The following REEP3 variants were observed in gnomAD, a reference collection of about 807,000 sequenced individuals.
REEP3 encodes receptor expression-enhancing protein 3.
REEP3 carries 20 observed loss-of-function variants against 41.3 expected under a neutral mutation model. The observed-to-expected ratio is 0.48, with a 90% CI of 0.34 to 0.70. REEP3 has a LOEUF of 0.70. Ranked by LOEUF, REEP3 falls within the 30% of genes least tolerant of loss-of-function variation. The pLI is 0.01. For synonymous variants in REEP3, 104 were observed against 101.8 expected (o/e 1.02, Z -0.13); for missense variants, 271 against 308.8 (o/e 0.88, Z 0.92).
intron 6 of REEP3, among the ~76,000 whole-genome samples, chr10:63,610,542 G>A (rs544985772): frequency 1.6e-4 from 24 of 151,916 alleles, no homozygotes; most frequent in African/African-American, 4.6e-4. Flanking sequence ...ACAAACCTGC[G>A]CATTCTGCAC....
At chr10:63,609,855 G>T (rs1332437051) in intron 5 of REEP3, among the ~76,000 whole-genome samples, 3 of 152,154 alleles carry the variant, frequency 2.0e-5, no homozygotes, top group Non-Finnish European at 4.4e-5. Flanking sequence ...AGTTTTAGGA[G>T]ACATCAACAT....
chr10:63,612,035 A>G (rs1314420670), intron 6 of REEP3, among the ~76,000 whole-genome samples: 1 of 152,214 alleles, frequency 6.6e-6, no homozygotes, highest in African/African-American at 2.4e-5. Context: ...AGAGGTAATG[A>G]TCAAGCATTG....
chr10:63,587,877 G>A (rs1163285842), intron 2 of REEP3, among the ~76,000 whole-genome samples: 1 of 152,154 alleles, frequency 6.6e-6, no homozygotes, highest in Non-Finnish European at 1.5e-5. Context: ...ACCTTTTATG[G>A]ACAGCAGTAC....
At chr10:63,521,704 G>C in intron 1 of REEP3, 127 bp downstream of exon 1, 1 of 567,262 alleles carries the variant, frequency 1.8e-6, no homozygotes, top group Non-Finnish European at 2.7e-6. Flanking sequence ...CCTCGGGCCT[G>C]CCGAGGGTCT....
At chr10:63,577,385 T>C (rs192244687) in intron 2 of REEP3, among the ~76,000 whole-genome samples, 81 of 152,236 alleles carry the variant, frequency 5.3e-4, no homozygotes, top group African/African-American at 1.9e-3. Flanking sequence ...CTCTCCTCCT[T>C]AAGCAGATGT....
At chr10:63,522,175 C>T (rs1368582945) in intron 1 of REEP3, among the ~76,000 whole-genome samples, 2 of 152,050 alleles carry the variant, frequency 1.3e-5, no homozygotes, top group East Asian at 1.9e-4. Context: ...CCCAGGATCC[C>T]TGGGAAGGGT....
intron 4 of REEP3, among the ~76,000 whole-genome samples, chr10:63,598,756 C>G (rs1589883234): frequency 6.7e-6 from 1 of 149,312 alleles, no homozygotes; most frequent in East Asian, 2.0e-4. Flanking sequence ...TGCACTCCAG[C>G]CTGGACAAGA....
chr10:63,553,507 G>A (rs1182366739), intron 1 of REEP3, among the ~76,000 whole-genome samples: 2 of 152,038 alleles, frequency 1.3e-5, no homozygotes, highest in Admixed American at 6.6e-5. Flanking sequence ...CTGGTGAAGC[G>A]TTTTCATGCT....
At chr10:63,570,466 T>A (rs1005876653) in intron 2 of REEP3, among the ~76,000 whole-genome samples, 6 of 152,180 alleles carry the variant, frequency 3.9e-5, no homozygotes, top group African/African-American at 1.4e-4. Context: ...TAACTTTGAT[T>A]GTAAGTTTAG....
At chr10:63,597,571 G>C (rs1321395306) in intron 3 of REEP3, among the ~76,000 whole-genome samples, 3 of 152,198 alleles carry the variant, frequency 2.0e-5, no homozygotes, top group African/African-American at 7.2e-5. Context: ...GTTGAAACAA[G>C]ATTATTCAAA....
At chr10:63,521,630 G>T in intron 1 of REEP3, 53 bp downstream of exon 1, 1 of 1,300,634 alleles carries the variant, frequency 7.7e-7, no homozygotes, top group African/African-American at 1.6e-5. Context: ...GGGGAGCTGT[G>T]GGAAGGGGAA....
At chr10:63,585,583 CAT>C (rs1166069155) in intron 2 of REEP3, among the ~76,000 whole-genome samples, 3 of 152,094 alleles carry the variant, frequency 2.0e-5, no homozygotes, top group Non-Finnish European at 4.4e-5. Context: ...ATGACTATCT[CAT>C]GTCAAAGGTT....
intron 6 of REEP3, among the ~76,000 whole-genome samples, chr10:63,617,910 C>T (rs1234680337): frequency 6.7e-6 from 1 of 149,726 alleles, no homozygotes; most frequent in East Asian, 2.0e-4. Flanking sequence ...CTGCAACCTC[C>T]ACCTCCTGGG....
chr10:63,568,686 G>A (rs7921909), intron 2 of REEP3, among the ~76,000 whole-genome samples: 47,150 of 126,130 alleles, frequency 0.37, 8,789 homozygotes, highest in African/African-American at 0.5. Context: ...ACAGGGTCTT[G>A]CTGTTATCAC....
chr10:63,599,444 T>A (rs920236585), intron 5 of REEP3, 161 bp downstream of exon 5: 5 of 437,230 alleles, frequency 1.1e-5, no homozygotes, highest in African/African-American at 1.0e-4. Flanking sequence ...AATTTTGTGT[T>A]TTCCATACTT....
chr10:63,553,965 G>T (rs1409152576), intron 1 of REEP3, among the ~76,000 whole-genome samples: 1 of 152,062 alleles, frequency 6.6e-6, no homozygotes. Flanking sequence ...AGCTGGGCGT[G>T]GTGGCAGGCG....
chr10:63,567,803 G>A (rs1589870003), intron 2 of REEP3, among the ~76,000 whole-genome samples: 2 of 152,052 alleles, frequency 1.3e-5, no homozygotes, highest in South Asian at 2.1e-4. Flanking sequence ...AGGGTTTTTG[G>A]GGGGTGGGAG....
At chr10:63,568,290 G>A (rs4572027) in intron 2 of REEP3, among the ~76,000 whole-genome samples, 66,801 of 146,524 alleles carry the variant, frequency 0.46, 15,752 homozygotes, top group South Asian at 0.54. Context: ...TTTTTGAGAC[G>A]GAGTCTTGCT....
chr10:63,562,257 T>TG (rs1955747565), intron 1 of REEP3, among the ~76,000 whole-genome samples: 1 of 144,606 alleles, frequency 6.9e-6, no homozygotes, highest in Admixed American at 6.9e-5. Context: ...AAGGCAGAGT[T>TG]TTTTTTTTTT....
Sources: gnomAD v4.1 joint callset for allele counts (sites outside exome capture counted in the v4.1 genomes callset) on GRCh38, gnomAD v4.1.1 for gene constraint, MANE v1.5 for transcripts, NCBI Gene and HGNC (gene_info 2026-07-23, HGNC 2026-07-21) for gene names.